The following EAPP variants were observed in gnomAD, a reference collection of about 807,000 sequenced individuals.
The protein encoded by EAPP is E2F-associated phosphoprotein.
In EAPP, 38 loss-of-function variants were observed where a neutral mutation model predicts 34.3. The observed-to-expected ratio is 1.11, with a 90% CI of 0.85 to 1.45. EAPP has a LOEUF of 1.45. Among genes scored for constraint, EAPP ranks in the 40% most tolerant of loss-of-function variants. The pLI is 0.00. For missense variants in EAPP, 338 were observed against 343.7 expected (o/e 0.98, Z 0.13); for synonymous variants, 113 against 117.6 (o/e 0.96, Z 0.25).
chr14:34,527,334 G>A (rs866334354), intron 4 of EAPP, among the ~76,000 whole-genome samples: 7 of 152,120 alleles, frequency 4.6e-5, no homozygotes, highest in Middle Eastern at 3.4e-3. Flanking sequence ...CAGGTGGTGT[G>A]TGCCTATAGT....
At position 34,524,734 on chromosome 14, in the gene EAPP, G is replaced by T; in HGVS notation, c.544C>A (p.Pro182Thr). The T allele has an allele frequency of 6.2e-7, 1 of 1,612,702 alleles. No individual in the cohort carries two copies. The highest frequency in any genetic ancestry group is 8.5e-7 in the Non-Finnish European group (1 of 1,179,642). The change falls in exon 5 of 6, where the codon CCT (proline) becomes ACT (threonine). Residue 182 changes from proline (P) to threonine (T), a missense_variant. Transcript: ENST00000250454. ...VPNSDAVLNCPACMTTLCLDC... is the reference protein window; with the variant it reads ...VPNSDAVLNCTACMTTLCLDC... ...AGGCAAAGTGTGGTCATGCAGGCAG[G>T]ACAATTCAAGACAGCATCACTATTT...
intron 1 of EAPP, among the ~76,000 whole-genome samples, chr14:34,537,106 G>C (rs1268370008): frequency 1.3e-5 from 2 of 151,992 alleles, no homozygotes; most frequent in African/African-American, 4.8e-5. Flanking sequence ...CGCCTCCCAG[G>C]CTCAAGCCAA....
At position 34,529,443 on chromosome 14, in the gene EAPP, G is replaced by C. The variant is rs895101630; in HGVS notation, c.385C>G (p.His129Asp). The C allele has an allele frequency of 6.8e-6, 11 of 1,612,636 alleles. No individual in the cohort carries two copies. The highest frequency in any genetic ancestry group is 9.3e-6 in the Non-Finnish European group (11 of 1,179,720). Residue 129 changes from histidine (H) to aspartate (D), a missense_variant, in exon 4 of 6, where the codon CAC (histidine) becomes GAC (aspartate). Transcript: ENST00000250454. ...AATTCGTCATTTGTTGGAATCTTGTGTTGTTTCTTCTTTTTTTTCTTGGTC... is the reference window on the plus strand; with the variant it reads ...AATTCGTCATTTGTTGGAATCTTGTCTTGTTTCTTCTTTTTTTTCTTGGTC... ...QVTKKKKKKQ[H>D]KIPTNDELLY...
In EAPP at chr14:34,539,673, T is replaced by A; in HGVS notation, c.-45A>T. On this transcript the variant is annotated 5_prime_UTR_variant, in exon 1 of 6. Transcript: ENST00000250454. Reference sequence around the variant, plus strand: ...CACCGTCCACAAGCAATTTGCAGCGTCTCTGTTTACACTGCAAGTCCAGTC... The same window carrying A: ...CACCGTCCACAAGCAATTTGCAGCGACTCTGTTTACACTGCAAGTCCAGTC... The A allele has an allele frequency of 1.3e-6, 2 of 1,504,736 alleles. No individual in the cohort carries two copies. Among genetic ancestry groups the A allele is most frequent in the Non-Finnish European group, 1.8e-6 (2 of 1,128,058 alleles). 93.2% of individuals were successfully genotyped at this position (1,504,736 alleles called of 1,614,324 possible).
At chr14:34,520,071 G>A (rs1879867166) in intron 5 of EAPP, among the ~76,000 whole-genome samples, 1 of 151,784 alleles carries the variant, frequency 6.6e-6, no homozygotes, top group Non-Finnish European at 1.5e-5. Context: ...ATTTTTAGTA[G>A]AGATGGGGTT....
chr14:34,538,584 AT>A (rs11376591), intron 1 of EAPP, among the ~76,000 whole-genome samples: 65 of 146,512 alleles, frequency 4.4e-4, no homozygotes, highest in Non-Finnish European at 5.0e-4. Context: ...TGTTCTTTTG[AT>A]TTTTTTTTTT....
Position 34,529,440 on chromosome 14 carries a change from T to C in EAPP, c.388A>G (p.Lys130Glu). 1.9e-6 allele frequency: 3 copies of C among 1,613,200 alleles called. No homozygotes were observed. Among genetic ancestry groups the C allele is most frequent in the Non-Finnish European group, 2.5e-6 (3 of 1,179,848 alleles). Residue 130 changes from lysine (K) to glutamate (E), a missense_variant, in exon 4 of 6, where the codon AAG (lysine) becomes GAG (glutamate). Transcript: ENST00000250454. The part of the protein sequence containing the change: ...VTKKKKKKQH[K>E]IPTNDELLYD... The stretch of plus-strand genomic sequence containing the variant: ...AGTAATTCGTCATTTGTTGGAATCT[T>C]GTGTTGTTTCTTCTTTTTTTTCTTG...
At chr14:34,534,859 A>G (rs1333209938) in intron 2 of EAPP, among the ~76,000 whole-genome samples, 2 of 134,110 alleles carry the variant, frequency 1.5e-5, no homozygotes, top group African/African-American at 5.5e-5. Flanking sequence ...TTTTTTTTTG[A>G]GACGGAGTCT....
intron 5 of EAPP, among the ~76,000 whole-genome samples, chr14:34,520,040 G>A (rs537557053): frequency 3.3e-5 from 5 of 150,812 alleles, no homozygotes; most frequent in South Asian, 2.1e-4. Flanking sequence ...TGTCCGCCAC[G>A]ACTTCCGGCT....
At chr14:34,535,474 T>C (rs192114272) in intron 2 of EAPP, among the ~76,000 whole-genome samples, 109 of 142,686 alleles carry the variant, frequency 7.6e-4, no homozygotes, top group Middle Eastern at 4.1e-3. Context: ...GCTCTGTCGC[T>C]CAGGCTGGAG....
chr14:34,532,573 G>C (rs1401597202), intron 3 of EAPP, among the ~76,000 whole-genome samples: 1 of 152,138 alleles, frequency 6.6e-6, no homozygotes, highest in Non-Finnish European at 1.5e-5. Context: ...AAAGCCCTGA[G>C]GAGGGGAGGT....
intron 5 of EAPP, 40 bp downstream of exon 5, chr14:34,524,655 GTA>G (rs201898193): frequency 2.8e-5 from 27 of 950,258 alleles, no homozygotes; most frequent in African/African-American, 5.2e-5. Flanking sequence ...AACAAAATAT[GTA>G]TGTGTGTGTG....
intron 4 of EAPP, among the ~76,000 whole-genome samples, chr14:34,527,521 A>T (rs942716807): frequency 6.6e-6 from 1 of 152,156 alleles, no homozygotes; most frequent in Non-Finnish European, 1.5e-5. Flanking sequence ...TCTTAAAAAA[A>T]GGTGGGGGCA....
Position 34,516,216 on chromosome 14 carries a change from A to G in EAPP, c.*94T>C. On this transcript the variant is annotated 3_prime_UTR_variant, in exon 6 of 6. Coordinates refer to ENST00000250454, the MANE Select transcript of EAPP (RefSeq NM_018453.4). Reference sequence around the variant, plus strand: ...TTAAAAAGAGAAACACTGCTTCCTCAATGTCACTGAAGGATATGAACAGGC... The same window carrying G: ...TTAAAAAGAGAAACACTGCTTCCTCGATGTCACTGAAGGATATGAACAGGC... The G allele has an allele frequency of 1.7e-6, 2 of 1,184,156 alleles. No individual in the cohort carries two copies. 73.4% of individuals were successfully genotyped at this position (1,184,156 alleles called of 1,614,324 possible).
chr14:34,530,294 G>C (rs1470235697), intron 3 of EAPP, among the ~76,000 whole-genome samples: 1 of 151,832 alleles, frequency 6.6e-6, no homozygotes. Context: ...GAGCTTTGAG[G>C]GGCTGAGACA....
intron 1 of EAPP, among the ~76,000 whole-genome samples, chr14:34,539,004 A>G (rs1347640102): frequency 6.6e-6 from 1 of 152,214 alleles, no homozygotes; most frequent in East Asian, 1.9e-4. Context: ...CTGGAAGACA[A>G]GGACCTTATG....
chr14:34,536,508 A>C, intron 1 of EAPP: 2 of 272,266 alleles, frequency 7.3e-6, no homozygotes, highest in Non-Finnish European at 1.3e-5. Context: ...TCTGTGACCC[A>C]ACCTGGAGTG....
At chr14:34,520,169 G>C (rs1238895372) in intron 5 of EAPP, among the ~76,000 whole-genome samples, 1 of 151,234 alleles carries the variant, frequency 6.6e-6, no homozygotes, top group Non-Finnish European at 1.5e-5. Flanking sequence ...TTACAGGCAT[G>C]AGCCACCATG....
chr14:34,517,062 C>G (rs1435937908), intron 5 of EAPP, among the ~76,000 whole-genome samples: 1 of 151,648 alleles, frequency 6.6e-6, no homozygotes, highest in Non-Finnish European at 1.5e-5. Context: ...CTCAGCCTCC[C>G]GAGTAGCTGG....
Sources: gnomAD v4.1 joint callset for allele counts (sites outside exome capture counted in the v4.1 genomes callset) on GRCh38, gnomAD v4.1.1 for gene constraint, MANE v1.5 for transcripts, NCBI Gene and HGNC (gene_info 2026-07-23, HGNC 2026-07-21) for gene names.